Variants in PSMA1 observed in about 807,000 individuals in gnomAD.
The protein encoded by PSMA1 is proteasome 20S subunit alpha 1, also known as proteasome subunit alpha type-1.
Under a neutral mutation model 38.4 loss-of-function variants are expected in PSMA1, and 3 were observed. The ratio of observed to expected loss-of-function variants is 0.08; its 90% CI spans 0.04 to 0.20. The LOEUF is 0.20. Ranked by LOEUF, PSMA1 falls within the 10% of genes least tolerant of loss-of-function variation. The pLI is 1.00. For missense variants in PSMA1, 227 were observed against 325.3 expected, an observed-to-expected ratio of 0.70 and a Z score of 2.32; for synonymous variants, 101 against 107.1, an observed-to-expected ratio of 0.94 and a Z score of 0.35.
intron 1 of PSMA1, among the ~76,000 whole-genome samples, chr11:14,622,907 C>G (rs1852866500): frequency 6.6e-6 from 1 of 152,154 alleles, no homozygotes; most frequent in Non-Finnish European, 1.5e-5. Flanking sequence ...TGGGGCAAGG[C>G]TATGCCATTT....
chr11:14,538,058 T>A (rs1350771345), intron 2 of PSMA1, among the ~76,000 whole-genome samples: 1 of 152,122 alleles, frequency 6.6e-6, no homozygotes, highest in Non-Finnish European at 1.5e-5. Flanking sequence ...AAATAATTAT[T>A]CATAAAAGTA....
chr11:14,575,705 T>G (rs575857194), intron 2 of PSMA1, among the ~76,000 whole-genome samples: 1 of 152,196 alleles, frequency 6.6e-6, no homozygotes, highest in African/African-American at 2.4e-5. Context: ...TTGTGAATAG[T>G]GCCGCAATAA....
intron 8 of PSMA1, among the ~76,000 whole-genome samples, chr11:14,509,862 T>C (rs1436549944): frequency 6.6e-6 from 1 of 152,086 alleles, no homozygotes; most frequent in Non-Finnish European, 1.5e-5. Flanking sequence ...TAGCTGGGAC[T>C]ACAGGCGCCT....
chr11:14,557,464 G>T (rs1340041191), intron 2 of PSMA1, among the ~76,000 whole-genome samples: 1 of 152,166 alleles, frequency 6.6e-6, no homozygotes, highest in Middle Eastern at 3.4e-3. Context: ...GGATGGTCTC[G>T]ATCTCTTGAC....
upstream of PSMA1, among the ~76,000 whole-genome samples, chr11:14,523,927 A>G (rs778986459): frequency 6.6e-6 from 1 of 151,670 alleles, no homozygotes; most frequent in Non-Finnish European, 1.5e-5. Context: ...AAAACTGATC[A>G]ATAAAGATAT....
intron 7 of PSMA1, among the ~76,000 whole-genome samples, chr11:14,513,013 C>T (rs571696747): frequency 6.6e-6 from 1 of 152,352 alleles, no homozygotes; most frequent in Admixed American, 6.5e-5. Flanking sequence ...CCAAAGAATG[C>T]TTTGTCACCA....
chr11:14,583,034 C>T (rs1030152503), intron 2 of PSMA1, among the ~76,000 whole-genome samples: 3 of 152,252 alleles, frequency 2.0e-5, no homozygotes, highest in Non-Finnish European at 4.4e-5. Context: ...TCACGTAATT[C>T]GGTGCTTTAA....
intron 2 of PSMA1, among the ~76,000 whole-genome samples, chr11:14,573,294 C>CGG (rs1852169607): frequency 6.6e-6 from 1 of 152,192 alleles, no homozygotes; most frequent in Admixed American, 6.5e-5. Flanking sequence ...TCCAGCAGCA[C>CGG]ATCAAAAAGC....
At position 14,547,005 on chromosome 11, in the gene PSMA1, A is replaced by G. The variant is rs143679980; in HGVS notation, c.22-27964T>C. ...GGTGACTAAGAGATGGAATGAAGGAAAACAGTGGCTCAAGTTGTTAGTTTC... is the reference window on the plus strand; with the variant it reads ...GGTGACTAAGAGATGGAATGAAGGAGAACAGTGGCTCAAGTTGTTAGTTTC... On this transcript the variant is annotated intron_variant, in intron 2 of 10. Transcript: ENST00000418988. Among the ~76,000 whole-genome samples, 42 of 152,362 alleles carry G rather than the reference A, an allele frequency of 2.8e-4. No homozygotes were observed. The East Asian group carries it at 7.1e-3, about 26-fold the overall frequency.
chr11:14,597,589 T>C (rs890577308), intron 2 of PSMA1, among the ~76,000 whole-genome samples: 11 of 152,248 alleles, frequency 7.2e-5, no homozygotes, highest in Non-Finnish European at 1.5e-4. Flanking sequence ...TTGGTGGTGA[T>C]ATCCCCTTTA....
At chr11:14,597,520 G>A (rs1852513594) in intron 2 of PSMA1, among the ~76,000 whole-genome samples, 1 of 152,194 alleles carries the variant, frequency 6.6e-6, no homozygotes, top group Admixed American at 6.5e-5. Flanking sequence ...AGATTTTCTA[G>A]TTTATTTGCG....
upstream of PSMA1, chr11:14,520,570 C>T: frequency 1.8e-6 from 2 of 1,090,904 alleles, no homozygotes; most frequent in South Asian, 3.3e-5. Context: ...CGGCTGAGAG[C>T]TGCGGGGCAG....
rs1324262223 is a variant in PSMA1 at position 14,510,923 on chromosome 11, A to T, written c.573T>A (p.Gly191=). The change falls in exon 8 of 10, where the codon GGT becomes GGA. Residue 191 remains glycine (G), a synonymous_variant. Transcript: ENST00000396394. ...GAAGCGTCTCTCTTAAGGCACGCAGACCATGTTTAACTAGTTCATTTAAAT... is the reference window on the plus strand; with the variant it reads ...GAAGCGTCTCTCTTAAGGCACGCAGTCCATGTTTAACTAGTTCATTTAAAT... ...ECNLNELVKH[G]LRALRETLPA... 1.2e-6 allele frequency: 2 copies of T among 1,606,538 alleles called. No individual in the cohort carries two copies.
intron 2 of PSMA1, among the ~76,000 whole-genome samples, chr11:14,608,659 CCTGT>C (rs1477210997): frequency 2.1e-5 from 3 of 145,916 alleles, no homozygotes; most frequent in African/African-American, 2.5e-5. Context: ...AAAGCAAGAT[CCTGT>C]CTGTATTTTA....
At chr11:14,614,438 T>A (rs913798937) in intron 1 of PSMA1, among the ~76,000 whole-genome samples, 1 of 152,062 alleles carries the variant, frequency 6.6e-6, no homozygotes, top group African/African-American at 2.4e-5. Context: ...TTCTTCAGAC[T>A]GTATATCTGG....
intron 2 of PSMA1, among the ~76,000 whole-genome samples, chr11:14,589,132 T>G (rs533372684): frequency 1.3e-5 from 2 of 152,268 alleles, no homozygotes; most frequent in East Asian, 3.9e-4. Context: ...TTTCCTCACC[T>G]CCTTCAGGTC....
At chr11:14,598,346 G>A (rs59615275) in intron 2 of PSMA1, among the ~76,000 whole-genome samples, 6,811 of 152,046 alleles carry the variant, frequency 0.045, 421 homozygotes, top group African/African-American at 0.13. Flanking sequence ...TTGACAGTGG[G>A]GTGTTTGTCT....
Position 14,636,728 on chromosome 11 carries a change from A to C in PSMA1, c.-166+6727T>G, listed in dbSNP as rs1037608813. Reference sequence around the variant, plus strand: ...TCCTCTAGTACTTCTTATCCTGTTCAATGGTTTCAAGATATTCTAGTCACC... The same window carrying C: ...TCCTCTAGTACTTCTTATCCTGTTCCATGGTTTCAAGATATTCTAGTCACC... On this transcript the variant is annotated intron_variant, in intron 1 of 10. Transcript: ENST00000418988. 1.2e-4 allele frequency among the ~76,000 whole-genome samples: 18 copies of C among 152,144 alleles called. 1 individual carries two copies. The highest frequency in any genetic ancestry group is 1.0e-3 in the Admixed American group (16 of 15,284).
chr11:14,590,876 G>A (rs948704493), intron 2 of PSMA1, among the ~76,000 whole-genome samples: 14 of 152,222 alleles, frequency 9.2e-5, no homozygotes, highest in African/African-American at 2.7e-4. Context: ...TTTATATGGC[G>A]GACACCCCAG....
Sources: gnomAD v4.1 joint callset for allele counts (sites outside exome capture counted in the v4.1 genomes callset) on GRCh38, gnomAD v4.1.1 for gene constraint, MANE v1.5 for transcripts, NCBI Gene and HGNC (gene_info 2026-07-23, HGNC 2026-07-21) for gene names.